Variants in ZNF362 observed in about 807,000 individuals in gnomAD.
The protein encoded by ZNF362 is rotund homolog.
A neutral mutation model predicts 42.9 loss-of-function variants in ZNF362; 11 were observed. The ratio of observed to expected loss-of-function variants is 0.26; its 90% confidence interval spans 0.16 to 0.42. The LOEUF (loss-of-function observed/expected upper bound fraction) is 0.42, where lower values mean the gene tolerates loss of function less well. ZNF362 is among the 20% of genes least tolerant of loss of function. The pLI is 1.00. For synonymous variants in ZNF362, 255 were observed against 257.3 expected, an observed-to-expected ratio of 0.99 and a Z score of 0.09; for missense variants, 362 against 576.2, an observed-to-expected ratio of 0.63 and a Z score of 3.81.
At chr1:33,172,953 A>G in the ZNF362 span, among the ~76,000 whole-genome samples, 1 of 152,208 alleles carries the variant, frequency 6.6e-6, no homozygotes, top group Admixed American at 6.5e-5. Context: ...GATGGCACCT[A>G]TGACACGGCC....
the ZNF362 span, among the ~76,000 whole-genome samples, chr1:33,243,939 A>G: frequency 2.8e-4 from 42 of 152,218 alleles, no homozygotes; most frequent in South Asian, 8.5e-3. Context: ...TATCATAAGC[A>G]TGCATCATTT....
the ZNF362 span, among the ~76,000 whole-genome samples, chr1:33,166,630 C>T: frequency 6.6e-6 from 1 of 152,140 alleles, no homozygotes; most frequent in Non-Finnish European, 1.5e-5. Flanking sequence ...TACAGATAAA[C>T]ATATAATGGT....
intron 1 of ZNF362, among the ~76,000 whole-genome samples, chr1:33,260,076 T>C (rs916742503): frequency 9.2e-5 from 14 of 152,152 alleles, no homozygotes; most frequent in African/African-American, 3.4e-4. Flanking sequence ...CACTGAGTTA[T>C]AAGGATTGCT....
intron 1 of ZNF362, among the ~76,000 whole-genome samples, chr1:33,267,792 T>C (rs1012378218): frequency 1.3e-5 from 2 of 152,360 alleles, no homozygotes; most frequent in African/African-American, 2.4e-5. Context: ...AGGTTTTTGC[T>C]GCTGTAAAAA....
chr1:33,169,563 T>C, the ZNF362 span, among the ~76,000 whole-genome samples: 2 of 152,188 alleles, frequency 1.3e-5, no homozygotes, highest in Non-Finnish European at 2.9e-5. Flanking sequence ...AGTCTGCAGA[T>C]TTCCACATTG....
At chr1:33,243,430 C>A in the ZNF362 span, among the ~76,000 whole-genome samples, 331 of 152,120 alleles carry the variant, frequency 2.2e-3, no homozygotes, top group Non-Finnish European at 3.9e-3. Context: ...AGGTGATCCG[C>A]CTGCCTTGGC....
At chr1:33,220,122 C>T in the ZNF362 span, among the ~76,000 whole-genome samples, 2 of 152,040 alleles carry the variant, frequency 1.3e-5, no homozygotes, top group East Asian at 1.9e-4. Context: ...GCCCAGGCCC[C>T]GGAGGCTGTG....
the ZNF362 span, among the ~76,000 whole-genome samples, chr1:33,196,464 C>A: frequency 8.5e-5 from 13 of 152,158 alleles, no homozygotes; most frequent in Admixed American, 5.2e-4. Context: ...GGGTCAAGAT[C>A]ATTGATATCA....
the ZNF362 span, chr1:33,159,994 A>C: frequency 6.3e-6 from 10 of 1,579,456 alleles, no homozygotes; most frequent in African/African-American, 1.3e-5. This position sits in a 1 kb window ranked among gnomAD's most constrained non-coding sequence, Gnocchi z 4.2. Flanking sequence ...AGATGGGGTG[A>C]TCTCTGGGTG....
At chr1:33,163,799 T>A in the ZNF362 span, 2 of 152,160 alleles carry the variant, frequency 1.3e-5, no homozygotes, top group East Asian at 3.9e-4. Flanking sequence ...AGGCACCAGG[T>A]GAAATATGAC....
the ZNF362 span, chr1:33,159,613 C>T: frequency 2.0e-6 from 3 of 1,517,008 alleles, no homozygotes; most frequent in Admixed American, 6.1e-5. The surrounding 1 kb of genome is among the most constrained non-coding windows in gnomAD (Gnocchi z 4.2). Flanking sequence ...ATCCCATCTG[C>T]CTCCACTCCC....
the ZNF362 span, among the ~76,000 whole-genome samples, chr1:33,188,006 CG>C: frequency 9.2e-5 from 14 of 152,216 alleles, no homozygotes; most frequent in African/African-American, 2.6e-4. Context: ...GAGGCCGAGA[CG>C]GGCAGATCAC....
chr1:33,256,826 A>AGCG (rs551197216), intron 1 of ZNF362, among the ~76,000 whole-genome samples, 172 bp downstream of exon 1: 90,763 of 144,044 alleles, frequency 0.63, 29,400 homozygotes, highest in East Asian at 0.77. Context: ...CCCGGCCCAG[A>AGCG]GCGGCGGCGG....
At chr1:33,169,444 C>A in the ZNF362 span, among the ~76,000 whole-genome samples, 1 of 152,196 alleles carries the variant, frequency 6.6e-6, no homozygotes, top group Non-Finnish European at 1.5e-5. Context: ...CAGGCTCCTC[C>A]CTGCCTCTAG....
the ZNF362 span, among the ~76,000 whole-genome samples, chr1:33,175,375 C>T: frequency 6.6e-6 from 1 of 152,128 alleles, no homozygotes; most frequent in Non-Finnish European, 1.5e-5. Flanking sequence ...GAATCCAAGA[C>T]AGAACTCACC....
At chr1:33,227,596 C>T in the ZNF362 span, among the ~76,000 whole-genome samples, 1 of 152,182 alleles carries the variant, frequency 6.6e-6, no homozygotes, top group African/African-American at 2.4e-5. Flanking sequence ...CCTTAGACAT[C>T]AAGAGGTAGA....
In ZNF362 at chr1:33,299,210, C is replaced by G; in HGVS notation, c.*164C>G. On this transcript the variant is annotated 3_prime_UTR_variant, in exon 9 of 9. Transcript: ENST00000539719. The stretch of plus-strand genomic sequence containing the variant: ...CGCAGAAGCCCTGCCTGGTCCAGTC[C>G]GGGGGCGGCCAGGCCAACTGCAAGA... The G allele has an allele frequency of 3.3e-6, 2 of 603,508 alleles. No homozygotes were observed. The highest frequency in any genetic ancestry group is 2.0e-5 in the South Asian group (1 of 50,402). 37.4% of individuals were successfully genotyped at this position (603,508 alleles called of 1,614,324 possible). A position where few individuals can be genotyped will look rare whatever the true frequency, so the allele number is the denominator to read the frequency against.
At chr1:33,161,864 G>A in the ZNF362 span, among the ~76,000 whole-genome samples, 4 of 152,136 alleles carry the variant, frequency 2.6e-5, no homozygotes, top group African/African-American at 7.2e-5. The surrounding 1 kb of genome is among the most constrained non-coding windows in gnomAD (Gnocchi z 4.3). Flanking sequence ...TGTGACTGCT[G>A]CCTCTCTGCC....
the ZNF362 span, among the ~76,000 whole-genome samples, chr1:33,201,271 C>A: frequency 6.6e-6 from 1 of 152,122 alleles, no homozygotes; most frequent in Non-Finnish European, 1.5e-5. Flanking sequence ...AGGAGTTGAA[C>A]AATACTGTCA....
Sources: gnomAD v4.1 joint callset for allele counts (sites outside exome capture counted in the v4.1 genomes callset) on GRCh38, gnomAD v4.1.1 for gene constraint, Gnocchi (gnomAD v3.1) non-coding constraint, MANE v1.5 for transcripts, NCBI Gene and HGNC (gene_info 2026-07-23, HGNC 2026-07-21) for gene names.